The following OTOG variants were observed in gnomAD, a reference collection of about 807,000 sequenced individuals.
The protein encoded by OTOG is otogelin.
Under a neutral mutation model 313.8 loss-of-function variants are expected in OTOG, and 296 were observed. That is an observed-to-expected ratio of 0.94 (90% CI 0.86 to 1.04). The LOEUF is 1.04. OTOG is among the 50% of genes least tolerant of loss of function. The probability of loss-of-function intolerance (pLI) is 0.00; values close to 1 mark genes in which losing one functional copy is unlikely to be tolerated. For missense variants in OTOG, 3,948 were observed against 3,840.1 expected (o/e 1.03, Z -0.74); for synonymous variants, 1,533 against 1,554.9 (o/e 0.99, Z 0.33).
intron 8 of OTOG, 60 bp downstream of exon 8, chr11:17,557,383 T>A (rs1319088119): frequency 6.8e-7 from 1 of 1,474,182 alleles, no homozygotes. Flanking sequence ...CAGGTCAGGC[T>A]GGGAGGGGTT....
At chr11:17,641,126 G>C in intron 51 of OTOG, 35 bp downstream of exon 51, 1 of 1,469,852 alleles carries the variant, frequency 6.8e-7, no homozygotes, top group Non-Finnish European at 9.1e-7. Flanking sequence ...GGGTGGGGTT[G>C]GGAGGGCTTG....
At chr11:17,629,891 G>A (rs550553072) in intron 40 of OTOG, among the ~76,000 whole-genome samples, 1 of 152,266 alleles carries the variant, frequency 6.6e-6, no homozygotes, top group South Asian at 2.1e-4. Flanking sequence ...GCTGCTCATT[G>A]CCGGGGCATA....
At chr11:17,557,012 G>C (rs535894802) in intron 7 of OTOG, 106 bp from the exon 8 acceptor site, 1 of 1,052,662 alleles carries the variant, frequency 9.5e-7, no homozygotes, top group East Asian at 2.6e-5. Context: ...GGGAGGGGAA[G>C]TGGGGGCCTT....
chr11:17,638,118 C>T lies in OTOG; in HGVS notation c.7796-333C>T, dbSNP rs79864328. Among the ~76,000 whole-genome samples the T allele has an allele frequency of 3.7e-3, 562 of 152,328 alleles. 3 individuals carry two copies. Among genetic ancestry groups the T allele is most frequent in the African/African-American group, 0.013 (539 of 41,584 alleles). Reference sequence around the variant, plus strand: ...GTGGGAAAGGTTGTGTTAGACAGAGCGGGATGTTCCCCATCAGCAGACCTT... The same window carrying T: ...GTGGGAAAGGTTGTGTTAGACAGAGTGGGATGTTCCCCATCAGCAGACCTT... On this transcript the variant is annotated intron_variant, in intron 47 of 55. Transcript: ENST00000399397.
chr11:17,557,160 G>A lies in OTOG; in HGVS notation c.702G>A (p.Gln234=), dbSNP rs1852073797. The part of the protein sequence containing the change: ...PHVMGSARLQ[Q]LAGYVIVRHQ... ...TCATGGGGAGCGCGCGTCTGCAGCA[G>A]CTTGCCGGCTATGTCATCGTGCGGC... is the stretch of plus-strand genomic sequence containing the variant. Residue 234 remains glutamine, a synonymous_variant, in exon 8 of 56, where the codon CAG becomes CAA. Transcript: ENST00000399397. 3 of 1,550,486 alleles carry A rather than the reference G, an allele frequency of 1.9e-6. No individual in the cohort carries two copies. In the African/African-American group the frequency reaches 4.1e-5, roughly 21 times the overall value.
intron 39 of OTOG, among the ~76,000 whole-genome samples, chr11:17,617,314 G>T (rs569257441): frequency 6.6e-6 from 1 of 152,104 alleles, no homozygotes; most frequent in East Asian, 1.9e-4. Context: ...AGTAATGCTG[G>T]CCTCACATAA....
rs1365413636 is a variant in OTOG, at chr11:17,572,101, G to A, written c.1977G>A (p.Glu659=). ...DDFLSPVGVP[E]STPQLFGNSW... ...GCAGGTCTCCAGTGGGTGTACCTGA[G>A]AGCACCCCACAACTTTTTGGCAATT... The change falls in exon 18 of 56, where the codon GAG becomes GAA. Residue 659 remains glutamate, a synonymous_variant. Coordinates refer to ENST00000399397, the MANE Select transcript of OTOG (RefSeq NM_001292063.2). 1 of 1,550,368 alleles carries A rather than the reference G, an allele frequency of 6.5e-7. No homozygotes were observed. Among genetic ancestry groups the A allele is most frequent in the Non-Finnish European group, 8.7e-7 (1 of 1,146,978 alleles).
At chr11:17,614,346 C>T (rs879532000) in intron 39 of OTOG, among the ~76,000 whole-genome samples, 2 of 152,116 alleles carry the variant, frequency 1.3e-5, no homozygotes, top group African/African-American at 2.4e-5. Flanking sequence ...CTCTTAGGAG[C>T]GGGGTTTCGG....
rs1300159723 is a variant in OTOG, at chr11:17,610,419, G to A, written c.5119G>A (p.Val1707Ile). ...LTVAGTAAEQVPVSPLATRSL... is the reference protein window; with the variant it reads ...LTVAGTAAEQIPVSPLATRSL... ...TGTGGCTGGAACAGCAGCAGAACAG[G>A]TTCCTGTCAGTCCCCTTGCAACCAG... The change falls in exon 36 of 56, where the codon GTT (valine) becomes ATT (isoleucine). Residue 1707 changes from valine to isoleucine, a missense_variant. Coordinates refer to ENST00000399397, the MANE Select transcript of OTOG (RefSeq NM_001292063.2). The A allele has an allele frequency of 6.4e-7, 1 of 1,550,522 alleles. No individual in the cohort carries two copies.
In OTOG at chr11:17,602,284, G is replaced by A. The variant is rs1256913868; in HGVS notation, c.3784G>A (p.Asp1262Asn). The change falls in exon 32 of 56, where the codon GAT becomes AAT. Residue 1262 changes from aspartate (D) to asparagine (N), a missense_variant. Coordinates refer to ENST00000399397, the MANE Select transcript of OTOG (RefSeq NM_001292063.2). ...TCTGGTGGGCATGAAGGCGGTGGGC[G>A]ATGACATAGTCCTAGTGAGGACAGA... Reference protein sequence around the residue: ...GALVGMKAVGDDIVLVRTEDV... With the variant: ...GALVGMKAVGNDIVLVRTEDV... The A allele has an allele frequency of 4.5e-6, 7 of 1,550,500 alleles. No individual in the cohort carries two copies. Among genetic ancestry groups the A allele is most frequent in the East Asian group, 2.4e-5 (1 of 40,934 alleles).
chr11:17,592,961 A>G (rs1298703782), intron 25 of OTOG, among the ~76,000 whole-genome samples: 1 of 152,250 alleles, frequency 6.6e-6, no homozygotes, highest in Non-Finnish European at 1.5e-5. Flanking sequence ...ATTTATTAAT[A>G]CATTCATTCA....
In OTOG at chr11:17,548,418, C is replaced by CTTTTTTTTTTTTTT. The variant is rs56402246; in HGVS notation, c.216+231_216+244dup. Among the ~76,000 whole-genome samples the CTTTTTTTTTTTTTT allele has an allele frequency of 5.7e-5, 5 of 87,618 alleles. 1 individual carries two copies. Among genetic ancestry groups the CTTTTTTTTTTTTTT allele is most frequent in the East Asian group, 5.9e-4 (2 of 3,416 alleles). 57.5% of individuals were successfully genotyped at this position (87,618 alleles called of 152,430 possible). A position where few individuals can be genotyped will look rare whatever the true frequency, so the allele number is the denominator to read the frequency against. ...ATCTCTTGGGGGTCTATAGTCCACTCTTTTTTTTTTTTTTTTTTTTTTTTT... is the reference window on the plus strand; with the variant it reads ...ATCTCTTGGGGGTCTATAGTCCACTCTTTTTTTTTTTTTTTTTTTTTTTTTTTTTTTTTTTTTTT... On this transcript the variant is annotated intron_variant, in intron 3 of 55. Transcript: ENST00000399397.
intron 23 of OTOG, among the ~76,000 whole-genome samples, chr11:17,579,897 A>ACC (rs1852627522): frequency 6.6e-6 from 1 of 152,208 alleles, no homozygotes; most frequent in East Asian, 1.9e-4. Context: ...TGCGTGCTGT[A>ACC]TCAAAGGCCC....
rs909812431 is a variant in OTOG at position 17,570,492 on chromosome 11, T to G, written c.1955+102T>G. The G allele has an allele frequency of 4.4e-5, 50 of 1,131,114 alleles. No individual in the cohort carries two copies. The East Asian group carries it at 1.3e-3, about 29-fold the overall frequency. The allele number at this position is 1,131,114 out of a possible 1,614,324, so 70.1% of individuals were successfully genotyped here. ...AAATGTCTCTCCCGTGAGCCTTCAC[T>G]GTGCCCAGCATGCACCATTAGTTAT... On this transcript the variant is annotated intron_variant, in intron 17 of 55. Coordinates refer to ENST00000399397, the MANE Select transcript of OTOG (RefSeq NM_001292063.2).
chr11:17,548,474 G>C (rs944108716), intron 3 of OTOG, among the ~76,000 whole-genome samples: 2 of 126,550 alleles, frequency 1.6e-5, no homozygotes, highest in Admixed American at 9.5e-5. Context: ...GTGGGCACCA[G>C]GGCTCTTTCA....
rs749797442 is a variant in OTOG at position 17,612,261 on chromosome 11, C to T, written c.6223C>T (p.Arg2075Cys). 19 of 1,546,460 alleles carry T rather than the reference C, an allele frequency of 1.2e-5. No individual in the cohort carries two copies. The highest frequency in any genetic ancestry group is 1.7e-4 in the Middle Eastern group (1 of 5,990). ...QHCPQGAAPP[R>C]CGILGLAVRV... is the part of the protein sequence containing the mutation. Reference sequence around the variant, plus strand: ...CTGTCCCCAGGGTGCTGCTCCCCCTCGCTGTGGGATCCTGGGCCTCGCCGT... The same window carrying T: ...CTGTCCCCAGGGTGCTGCTCCCCCTTGCTGTGGGATCCTGGGCCTCGCCGT... The change falls in exon 37 of 56, where the codon CGC (arginine) becomes TGC (cysteine). Residue 2075 changes from arginine (R) to cysteine (C), a missense_variant. By Grantham distance (180) the Arg-to-Cys change is radical. Coordinates refer to ENST00000399397, the MANE Select transcript of OTOG (RefSeq NM_001292063.2).
chr11:17,602,974 C>G (rs1475576457), intron 32 of OTOG, among the ~76,000 whole-genome samples: 2 of 152,202 alleles, frequency 1.3e-5, no homozygotes, highest in African/African-American at 4.8e-5. Flanking sequence ...GGATGTTCCC[C>G]TAAGAGTAAG....
At position 17,553,446 on chromosome 11, in the gene OTOG, A is replaced by T; in HGVS notation, c.467A>T (p.Tyr156Phe). 2 of 1,471,948 alleles carry T rather than the reference A, an allele frequency of 1.4e-6. No homozygotes were observed. Among genetic ancestry groups the T allele is most frequent in the Non-Finnish European group, 1.8e-6 (2 of 1,109,988 alleles). 91.2% of individuals were successfully genotyped at this position (1,471,948 alleles called of 1,614,324 possible). Residue 156 changes from tyrosine (Y) to phenylalanine (F), a missense_variant, in exon 6 of 56, where the codon TAC becomes TTC. Physicochemically the swap from Tyr to Phe is conservative, Grantham distance 22. Transcript: ENST00000399397. ...HHVETFDGLY[Y>F]YLSGKGSYTL... ...GTGGAGACATTTGATGGGCTCTACT[A>T]CTACCTCTCCGGAAAGGGCAGCTAC...
At chr11:17,576,266 C>T (rs559289796) in intron 20 of OTOG, among the ~76,000 whole-genome samples, 1 of 152,332 alleles carries the variant, frequency 6.6e-6, no homozygotes, top group East Asian at 1.9e-4. Flanking sequence ...CTTACTGCCC[C>T]TCCCTTCCCC....
Sources: allele counts gnomAD v4.1 joint callset (sites outside exome capture counted in the v4.1 genomes callset), GRCh38; gene constraint gnomAD v4.1.1; transcripts MANE v1.5; gene names NCBI Gene and HGNC (gene_info 2026-07-23, HGNC 2026-07-21).